ATXN10: variants seen among roughly 807,000 people sequenced by gnomAD.
ATXN10 encodes the protein ataxin 10.
In ATXN10, 28 loss-of-function variants were observed where a neutral mutation model predicts 52.9. That is an observed-to-expected ratio of 0.53 (90% CI 0.39 to 0.73). The LOEUF (loss-of-function observed/expected upper bound fraction) is 0.73. Ranked by LOEUF, ATXN10 falls within the 30% of genes least tolerant of loss-of-function variation. The pLI is 0.00. For missense variants in ATXN10, 565 were observed against 577.0 expected (o/e 0.98, Z 0.21); for synonymous variants, 226 against 221.5 (o/e 1.02, Z -0.18).
intron 1 of ATXN10, among the ~76,000 whole-genome samples, chr22:45,682,081 G>T (rs1254404357): frequency 6.6e-6 from 1 of 151,990 alleles, no homozygotes; most frequent in Non-Finnish European, 1.5e-5. Context: ...AAAATCATCA[G>T]TTTTACCCTT....
At chr22:45,810,885 TC>T in intron 10 of ATXN10, among the ~76,000 whole-genome samples, 1 of 152,344 alleles carries the variant, frequency 6.6e-6, no homozygotes, top group South Asian at 2.1e-4. Context: ...CTACTTGATA[TC>T]CTCTGTCTTA....
intron 5 of ATXN10, among the ~76,000 whole-genome samples, chr22:45,713,001 A>C (rs1924307875): frequency 6.6e-6 from 1 of 152,090 alleles, no homozygotes; most frequent in Non-Finnish European, 1.5e-5. Flanking sequence ...TTTTGAACTG[A>C]TTGAAATCTA....
intron 10 of ATXN10, among the ~76,000 whole-genome samples, chr22:45,812,268 C>A (rs1250032931): frequency 6.6e-6 from 1 of 152,176 alleles, no homozygotes. Flanking sequence ...TCTGGATTAC[C>A]CGCTGGATTG....
intron 9 of ATXN10, among the ~76,000 whole-genome samples, chr22:45,804,462 G>C (rs551376430): frequency 6.2e-4 from 95 of 152,234 alleles, no homozygotes; most frequent in African/African-American, 2.2e-3. Flanking sequence ...TGTAAAATAA[G>C]GATCGTTAAT....
At chr22:45,745,275 A>C (rs535051897) in intron 9 of ATXN10, among the ~76,000 whole-genome samples, 8 of 152,316 alleles carry the variant, frequency 5.3e-5, no homozygotes, top group African/African-American at 9.6e-5. Flanking sequence ...TAGAAGAAAA[A>C]CCAAACGTTT....
chr22:45,844,326 G>C lies in ATXN10; in HGVS notation c.*655G>C, dbSNP rs1467695441. 1 of 154,002 alleles carries C rather than the reference G, an allele frequency of 6.5e-6. No homozygotes were observed. The highest frequency in any genetic ancestry group is 2.4e-5 in the African/African-American group (1 of 41,438). 9.5% of individuals were successfully genotyped at this position (154,002 alleles called of 1,614,324 possible). ...CATGTTCCAGTTCATCCCAGAAGTA[G>C]ACATCCCAGGACCCATTCTGTGTCA... On this transcript the variant is annotated 3_prime_UTR_variant, in exon 12 of 12. Transcript: ENST00000252934.
rs1033691166 is a variant in ATXN10, at chr22:45,712,414, G to A, written c.648-5999G>A. Among the ~76,000 whole-genome samples the A allele has an allele frequency of 1.3e-5, 2 of 152,154 alleles. No homozygotes were observed. Among genetic ancestry groups the A allele is most frequent in the African/African-American group, 2.4e-5 (1 of 41,454 alleles). The stretch of plus-strand genomic sequence containing the variant: ...ACATAGTTTAATTTCTTTGATTTTT[G>A]TTGGAGTTGAATTCTGATACATTAT... On this transcript the variant is annotated intron_variant, in intron 5 of 11. Coordinates refer to ENST00000252934, the MANE Select transcript of ATXN10 (RefSeq NM_013236.4). This position sits in a 1 kb window ranked among gnomAD's most constrained non-coding sequence, Gnocchi z 4.6.
rs189175807 is a variant in ATXN10, at chr22:45,770,964, C to T, written c.1173+30426C>T. ...AACCCAGATCCATCCTGGGAGCACT[C>T]GAGGCCAGCCCTTTTGGCTCTCTGC... On this transcript the variant is annotated intron_variant, in intron 9 of 11. Coordinates refer to ENST00000252934, the MANE Select transcript of ATXN10 (RefSeq NM_013236.4). The surrounding 1 kb of genome is among the most constrained non-coding windows in gnomAD (Gnocchi z 4.5). 1.7e-3 allele frequency among the ~76,000 whole-genome samples: 255 copies of T among 152,308 alleles called. No individual in the cohort carries two copies. Among genetic ancestry groups the T allele is most frequent in the South Asian group, 6.6e-3 (32 of 4,832 alleles).
intron 7 of ATXN10, among the ~76,000 whole-genome samples, chr22:45,730,766 G>C (rs1601611303): frequency 6.6e-6 from 1 of 152,132 alleles, no homozygotes. Flanking sequence ...ACTTATTTTA[G>C]ATAATACTGT....
chr22:45,748,386 C>T (rs1925819421), intron 9 of ATXN10, among the ~76,000 whole-genome samples: 1 of 152,150 alleles, frequency 6.6e-6, no homozygotes. Flanking sequence ...TCATATTCTG[C>T]ATTCTGTGTG....
chr22:45,740,522 A>C lies in ATXN10; in HGVS notation c.1157A>C (p.Lys386Thr), dbSNP rs765580645. ...ATTGGAAATCTGTGTTACAAGAATA[A>C]AGATAACCAAGACAAGGTAAGAGGA... is the stretch of plus-strand genomic sequence containing the variant. ...RLIGNLCYKN[K>T]DNQDKVNELD... Residue 386 changes from lysine (K) to threonine (T), a missense_variant, in exon 9 of 12, where the codon AAA (lysine) becomes ACA (threonine). Lys to Thr is a moderately conservative substitution (Grantham distance 78, BLOSUM62 -1). Transcript: ENST00000252934. The C allele has an allele frequency of 9.3e-6, 15 of 1,613,824 alleles. No individual in the cohort carries two copies. Among genetic ancestry groups the C allele is most frequent in the Non-Finnish European group, 1.3e-5 (15 of 1,179,820 alleles).
In ATXN10 at chr22:45,842,799, T is replaced by A. The variant is rs1416733538; in HGVS notation, c.1238-192T>A. ...CACACATGCTGGATGTACATGTGCA[T>A]ATGCCTGCGTTGCCTCTTTTTAATG... On this transcript the variant is annotated intron_variant, in intron 10 of 11. Transcript: ENST00000252934. The surrounding 1 kb of genome is among the most constrained non-coding windows in gnomAD (Gnocchi z 4.8). Among the ~76,000 whole-genome samples the A allele has an allele frequency of 2.0e-5, 3 of 152,198 alleles. No individual in the cohort carries two copies. The highest frequency in any genetic ancestry group is 7.2e-5 in the African/African-American group (3 of 41,452).
In ATXN10 at chr22:45,766,436, C is replaced by A. The variant is rs1041427530; in HGVS notation, c.1173+25898C>A. Among the ~76,000 whole-genome samples the A allele has an allele frequency of 6.6e-6, 1 of 152,160 alleles. No homozygotes were observed. Among genetic ancestry groups the A allele is most frequent in the Non-Finnish European group, 1.5e-5 (1 of 68,030 alleles). ...CCCCGCAACCCCTCTTCCCCCGAGT[C>A]TGTGGAAAAATTGCCTTCCATGAAA... On this transcript the variant is annotated intron_variant, in intron 9 of 11. Transcript: ENST00000252934. This position sits in a 1 kb window ranked among gnomAD's most constrained non-coding sequence, Gnocchi z 4.6.
chr22:45,773,581 C>A (rs1926849294), intron 9 of ATXN10, among the ~76,000 whole-genome samples: 1 of 152,084 alleles, frequency 6.6e-6, no homozygotes, highest in Non-Finnish European at 1.5e-5. Flanking sequence ...GCCTCAGCCT[C>A]CTGAGTAACT....
intron 9 of ATXN10, among the ~76,000 whole-genome samples, chr22:45,799,791 G>A (rs1202081420): frequency 6.6e-6 from 1 of 152,116 alleles, no homozygotes; most frequent in Admixed American, 6.5e-5. Flanking sequence ...AAACAAAGAG[G>A]ATTATATTAC....
rs1054441538 is a variant in ATXN10 at position 45,784,754 on chromosome 22, C to T, written c.1174-22205C>T. ...GCTGCTGTGTGGCAGATTCCCAGCA[C>T]GGGCTGGACACTTGAGCTCCCAGCA... On this transcript the variant is annotated intron_variant, in intron 9 of 11. Coordinates refer to ENST00000252934, the MANE Select transcript of ATXN10 (RefSeq NM_013236.4). The surrounding 1 kb of genome is among the most constrained non-coding windows in gnomAD (Gnocchi z 4.2). Among the ~76,000 whole-genome samples the T allele has an allele frequency of 4.6e-5, 7 of 152,292 alleles. No individual in the cohort carries two copies. The highest frequency in any genetic ancestry group is 3.9e-4 in the East Asian group (2 of 5,180).
intron 8 of ATXN10, 56 bp from the exon 9 acceptor site, chr22:45,740,313 C>A: frequency 6.5e-7 from 1 of 1,539,808 alleles, no homozygotes; most frequent in Non-Finnish European, 9.0e-7. Context: ...ACTATTAGTA[C>A]AACATACTAA....
At chr22:45,703,502 G>C (rs558619542) in intron 5 of ATXN10, among the ~76,000 whole-genome samples, 7 of 152,064 alleles carry the variant, frequency 4.6e-5, no homozygotes, top group Non-Finnish European at 7.4e-5. Context: ...TCAGGCCCTT[G>C]TTCTCTCTCC....
rs1043257163 is a variant in ATXN10 at position 45,816,670 on chromosome 22, T to C, written c.1237+9648T>C. ...TGTGCTCCAAAGCATATTTTGTCTA[T>C]AGTATCTTAATAGGTAATATACGGG... On this transcript the variant is annotated intron_variant, in intron 10 of 11. Coordinates refer to ENST00000252934, the MANE Select transcript of ATXN10 (RefSeq NM_013236.4). The surrounding 1 kb of genome is among the most constrained non-coding windows in gnomAD (Gnocchi z 5.8). Among the ~76,000 whole-genome samples, 2 of 152,228 alleles carry C rather than the reference T, an allele frequency of 1.3e-5. No individual in the cohort carries two copies. The highest frequency in any genetic ancestry group is 4.8e-5 in the African/African-American group (2 of 41,470).
Sources: gnomAD v4.1 joint callset for allele counts (sites outside exome capture counted in the v4.1 genomes callset) on GRCh38, gnomAD v4.1.1 for gene constraint, Gnocchi (gnomAD v3.1) non-coding constraint, MANE v1.5 for transcripts, NCBI Gene and HGNC (gene_info 2026-07-23, HGNC 2026-07-21) for gene names.